The following CADPS variants were observed in gnomAD, a reference collection of about 807,000 sequenced individuals.
CADPS encodes calcium dependent secretion activator, also known as calcium-dependent secretion activator 1.
CADPS carries 57 observed loss-of-function variants against 167.3 expected under a neutral mutation model. That is an observed-to-expected ratio of 0.34 (90% CI 0.28 to 0.42). The LOEUF (loss-of-function observed/expected upper bound fraction) is 0.42. Among genes scored for constraint, CADPS ranks in the 20% least tolerant of loss-of-function variants. The pLI is 1.00. For synonymous variants in CADPS, 676 were observed against 635.3 expected (o/e 1.06, Z -0.96); for missense variants, 1,414 against 1,738.1 (o/e 0.81, Z 3.32).
chr3:62,619,506 G>A (rs956339191), intron 6 of CADPS, among the ~76,000 whole-genome samples: 9 of 152,068 alleles, frequency 5.9e-5, no homozygotes, highest in African/African-American at 1.9e-4. Context: ...TGAACTCTAT[G>A]ACCTCAGGTT....
chr3:62,711,062 T>G (rs1420303887), intron 3 of CADPS, among the ~76,000 whole-genome samples: 3 of 152,182 alleles, frequency 2.0e-5, no homozygotes, highest in Non-Finnish European at 4.4e-5. Context: ...TGTAATTTCT[T>G]TGGGGCCAAG....
At chr3:62,788,636 C>T (rs902227327) in intron 1 of CADPS, among the ~76,000 whole-genome samples, 1 of 152,006 alleles carries the variant, frequency 6.6e-6, no homozygotes, top group Non-Finnish European at 1.5e-5. Flanking sequence ...TGATGATATT[C>T]CTTGTTGGTA....
intron 1 of CADPS, among the ~76,000 whole-genome samples, chr3:62,865,265 A>G (rs113902859): frequency 2.6e-5 from 4 of 152,214 alleles, no homozygotes; most frequent in African/African-American, 9.6e-5. Flanking sequence ...CTTTCTTAAG[A>G]GGCATAGTAG....
rs1461842052 is a variant in CADPS, at chr3:62,516,189, G to A, written c.2458-7C>T. 2 of 1,612,636 alleles carry A rather than the reference G, an allele frequency of 1.2e-6. No individual in the cohort carries two copies. Among genetic ancestry groups the A allele is most frequent in the Non-Finnish European group, 1.7e-6 (2 of 1,179,152 alleles). ...CAATATCTTTCATCAAAACCTTCAA[G>A]TAGGAAAAAGAGGGATTATTAAGAA... On this transcript the variant is annotated splice_polypyrimidine_tract_variant and splice_region_variant and intron_variant, in intron 15 of 29. Coordinates refer to ENST00000383710, the MANE Select transcript of CADPS (RefSeq NM_003716.4).
At chr3:62,785,846 A>G (rs546717447) in intron 1 of CADPS, among the ~76,000 whole-genome samples, 1 of 152,136 alleles carries the variant, frequency 6.6e-6, no homozygotes, top group East Asian at 1.9e-4. Context: ...GATAGCTTGA[A>G]ACCATCATAA....
Position 62,405,134 on chromosome 3 carries a change from T to C in CADPS, c.3778-1949A>G, listed in dbSNP as rs973416364. On this transcript the variant is annotated intron_variant, in intron 28 of 29. Transcript: ENST00000383710. ...TTTACTGGTTGTAGCTGACATGTAA[T>C]CTGGGGGGGGGGGGGGCTCAACAGA... 3.5e-3 allele frequency among the ~76,000 whole-genome samples: 25 copies of C among 7,166 alleles called. 1 individual carries two copies. The highest frequency in any genetic ancestry group is 9.3e-3 in the African/African-American group (25 of 2,684). 4.7% of individuals were successfully genotyped at this position (7,166 alleles called of 152,430 possible).
chr3:62,438,304 A>C lies in CADPS; in HGVS notation c.3670-93T>G. The C allele has an allele frequency of 7.1e-6, 6 of 843,562 alleles. No individual in the cohort carries two copies. Among genetic ancestry groups the C allele is most frequent in the Non-Finnish European group, 1.2e-5 (6 of 508,344 alleles). 52.3% of individuals were successfully genotyped at this position (843,562 alleles called of 1,614,324 possible). The stretch of plus-strand genomic sequence containing the variant: ...TTGTACCCTCTACTTGCCCTCACAC[A>C]CCCTGAGATGCTTCTGCTGGATCAG... On this transcript the variant is annotated intron_variant, in intron 27 of 29. Coordinates refer to ENST00000383710, the MANE Select transcript of CADPS (RefSeq NM_003716.4). The surrounding 1 kb of genome is among the most constrained non-coding windows in gnomAD (Gnocchi z 4.7).
At chr3:62,599,967 C>T (rs544127249) in intron 6 of CADPS, among the ~76,000 whole-genome samples, 83 of 102,582 alleles carry the variant, frequency 8.1e-4, no homozygotes, top group African/African-American at 2.7e-3. Context: ...TAATGATATA[C>T]ATGGCACCCA....
chr3:62,678,317 T>C (rs2076632560), intron 3 of CADPS, among the ~76,000 whole-genome samples: 1 of 152,252 alleles, frequency 6.6e-6, no homozygotes, highest in South Asian at 2.1e-4. Context: ...ATCTCATTAT[T>C]TACTTCACTT....
chr3:62,660,388 T>C, intron 4 of CADPS, among the ~76,000 whole-genome samples: 1 of 152,238 alleles, frequency 6.6e-6, no homozygotes, highest in Middle Eastern at 3.2e-3. Context: ...GCTTTATTAA[T>C]GTTTACTGTC....
Position 62,557,959 on chromosome 3 carries a change from C to T in CADPS, c.1645-446G>A, listed in dbSNP as rs140628850. ...TGGCCTTGGCTGAGACTGCCATGCT[C>T]GCAGATACAACATGGGCCTTTTGGT... On this transcript the variant is annotated intron_variant, in intron 9 of 29. Transcript: ENST00000383710. Among the ~76,000 whole-genome samples, 584 of 152,290 alleles carry T rather than the reference C, an allele frequency of 3.8e-3. 4 individuals carry two copies. Among genetic ancestry groups the T allele is most frequent in the African/African-American group, 0.013 (561 of 41,558 alleles).
At chr3:62,827,031 T>C (rs2074189151) in intron 1 of CADPS, among the ~76,000 whole-genome samples, 1 of 152,170 alleles carries the variant, frequency 6.6e-6, no homozygotes, top group South Asian at 2.1e-4. Context: ...AACTGCCTGT[T>C]AATGGTTTTG....
chr3:62,576,457 G>T (rs780382197), intron 8 of CADPS, among the ~76,000 whole-genome samples: 7 of 151,986 alleles, frequency 4.6e-5, no homozygotes, highest in Admixed American at 2.0e-4. Flanking sequence ...GGCTGGATAA[G>T]TATTATTGTT....
intron 3 of CADPS, among the ~76,000 whole-genome samples, chr3:62,740,949 AAT>A (rs767784166): frequency 2.6e-5 from 4 of 152,188 alleles, no homozygotes; most frequent in Non-Finnish European, 5.9e-5. Flanking sequence ...TAACAGTTAG[AAT>A]TTATTGTGGA....
At chr3:62,435,099 A>G (rs777339788) in intron 28 of CADPS, among the ~76,000 whole-genome samples, 2 of 152,186 alleles carry the variant, frequency 1.3e-5, no homozygotes, top group African/African-American at 4.8e-5. Context: ...CATTTTTGCC[A>G]TTTATCAAAA....
chr3:62,625,952 T>G (rs2064001236), intron 6 of CADPS: 1 of 151,150 alleles, frequency 6.6e-6, no homozygotes, highest in Non-Finnish European at 1.5e-5. Flanking sequence ...TCTTTATTTT[T>G]TAATCATTCG....
At chr3:62,494,750 C>T (rs2064372502) in intron 18 of CADPS, among the ~76,000 whole-genome samples, 1 of 148,474 alleles carries the variant, frequency 6.7e-6, no homozygotes, top group South Asian at 2.1e-4. Flanking sequence ...TCACTGCAGC[C>T]CCTGCCTCAG....
intron 13 of CADPS, among the ~76,000 whole-genome samples, chr3:62,520,793 G>A (rs1171074205): frequency 6.6e-6 from 1 of 152,176 alleles, no homozygotes. Flanking sequence ...ACTTGTCAAA[G>A]ATCATAGGTT....
chr3:62,684,161 T>C (rs762493016), intron 3 of CADPS, among the ~76,000 whole-genome samples: 3 of 152,094 alleles, frequency 2.0e-5, no homozygotes, highest in African/African-American at 7.2e-5. Context: ...GTTTTCCATT[T>C]CTGTCTCCTT....
Sources: allele counts gnomAD v4.1 joint callset (sites outside exome capture counted in the v4.1 genomes callset), GRCh38; gene constraint gnomAD v4.1.1; non-coding constraint Gnocchi (gnomAD v3.1); transcripts MANE v1.5; gene names NCBI Gene and HGNC (gene_info 2026-07-23, HGNC 2026-07-21).